SMTN: variants seen among roughly 807,000 people sequenced by gnomAD.
SMTN encodes smoothelin.
Under a neutral mutation model 102.0 loss-of-function variants are expected in SMTN, and 58 were observed. That is an observed-to-expected ratio of 0.57 (90% CI 0.46 to 0.71). The LOEUF (loss-of-function observed/expected upper bound fraction) is 0.71. Among genes scored for constraint, SMTN ranks in the 30% least tolerant of loss-of-function variants. SMTN has a pLI of 0.00. For missense variants in SMTN, 1,185 were observed against 1,241.7 expected, an observed-to-expected ratio of 0.95 and a Z score of 0.69; for synonymous variants, 478 against 497.9, an observed-to-expected ratio of 0.96 and a Z score of 0.53.
Position 31,090,250 on chromosome 22 carries a change from G to A in SMTN, c.865+70G>A, listed in dbSNP as rs1383046511. The A allele has an allele frequency of 6.8e-6, 9 of 1,317,510 alleles. No individual in the cohort carries two copies. The East Asian group carries it at 1.9e-4, about 27-fold the overall frequency. 81.6% of individuals were successfully genotyped at this position (1,317,510 alleles called of 1,614,324 possible). ...CCCCCTGCCTCCCTTTCCCTGCCTA[G>A]AAAATGGGCTCTTGTGCCTGGCAGC... On this transcript the variant is annotated intron_variant, in intron 8 of 20. Coordinates refer to ENST00000333137, the MANE Select transcript of SMTN (RefSeq NM_134269.3).
At chr22:31,090,709 A>G in intron 8 of SMTN, 99 bp from the exon 9 acceptor site, 1 of 937,204 alleles carries the variant, frequency 1.1e-6, no homozygotes. Flanking sequence ...GTGGGAAGCT[A>G]GGGAGGTGTA....
rs992454762 is a variant in SMTN, at chr22:31,096,856, C to T, written c.1985C>T (p.Ala662Val). ...AGCCAGCGGGCAGCTGATGGCTCTG[C>T]TGTCAGCACTGTTACCAAGACTGAG... ...RHSQRAADGS[A>V]VSTVTKTERL... is the part of the protein sequence containing the mutation. The change falls in exon 14 of 21, where the codon GCT becomes GTT. Residue 662 changes from alanine (A) to valine (V), a missense_variant. Around this residue, in one of 2 missense-constraint regions of SMTN, gnomAD observed 1,096 missense variants for 1,112.7 expected, o/e 0.98. Transcript: ENST00000333137. 1 of 1,577,514 alleles carries T rather than the reference C, an allele frequency of 6.3e-7. No homozygotes were observed. Among genetic ancestry groups the T allele is most frequent in the Admixed American group, 1.8e-5 (1 of 56,924 alleles).
chr22:31,083,428 G>C, intron 2 of SMTN, 119 bp downstream of exon 2: 3 of 1,269,190 alleles, frequency 2.4e-6, no homozygotes, highest in Non-Finnish European at 2.1e-6. Flanking sequence ...GGAGGAGGGG[G>C]ACATGGGAAC....
chr22:31,079,915 A>T (rs1427136032), upstream of SMTN, among the ~76,000 whole-genome samples: 1 of 152,094 alleles, frequency 6.6e-6, no homozygotes, highest in Non-Finnish European at 1.5e-5. Flanking sequence ...GGTGCATGCC[A>T]CTTGCCCGAC....
intron 16 of SMTN, among the ~76,000 whole-genome samples, chr22:31,097,717 T>A (rs1369811626): frequency 6.9e-6 from 1 of 144,892 alleles, no homozygotes; most frequent in Non-Finnish European, 1.5e-5. Flanking sequence ...AATAAATAGA[T>A]AAATAAATAA....
chr22:31,070,228 G>A (rs987401606), intron 1 of SMTN, among the ~76,000 whole-genome samples: 16 of 152,200 alleles, frequency 1.1e-4, no homozygotes, highest in Non-Finnish European at 2.4e-4. Context: ...TTCACGTAAT[G>A]AAGGGTCGGT....
chr22:31,100,843 G>GGC, intron 19 of SMTN, 42 bp from the exon 20 acceptor site: 2 of 723,130 alleles, frequency 2.8e-6, no homozygotes, highest in Non-Finnish European at 2.3e-6. Flanking sequence ...CTGGCCTCCT[G>GGC]CCCCCGTCCC....
intron 11 of SMTN, 52 bp downstream of exon 11, chr22:31,091,899 C>T: frequency 1.4e-6 from 2 of 1,466,302 alleles, no homozygotes; most frequent in Middle Eastern, 1.9e-4. Flanking sequence ...CTCACATACA[C>T]TGCTTCAGGG....
chr22:31,095,211 C>T lies in SMTN; in HGVS notation c.1633-92C>T. ...AGTGGTTATTTCCAAGGCGTGCCAG[C>T]AACCCTAGGATCTGCTTCCCTATCC... On this transcript the variant is annotated intron_variant, in intron 11 of 20. Transcript: ENST00000333137. This position sits in a 1 kb window ranked among gnomAD's most constrained non-coding sequence, Gnocchi z 4.1. The T allele has an allele frequency of 7.4e-7, 1 of 1,359,668 alleles. No homozygotes were observed. Among genetic ancestry groups the T allele is most frequent in the African/African-American group, 1.4e-5 (1 of 69,490 alleles). 84.2% of individuals were successfully genotyped at this position (1,359,668 alleles called of 1,614,324 possible).
chr22:31,091,521 C>A (rs770216326), intron 10 of SMTN, 39 bp downstream of exon 10: 1 of 1,514,362 alleles, frequency 6.6e-7, no homozygotes, highest in African/African-American at 1.4e-5. Flanking sequence ...GGGATGAGTG[C>A]CTGCAACCGC....
rs1244178543 is a variant in SMTN, at chr22:31,088,064, T to C, written c.151T>C (p.Ser51Pro). Reference protein sequence around the residue: ...ELEREEEALASKRFRAERQDN... With the variant: ...ELEREEEALAPKRFRAERQDN... ...GGAGCGCGAGGAGGAGGCCCTGGCA[T>C]CCAAGCGTTTCCGTGCCGAGCGGCA... Residue 51 changes from serine to proline, a missense_variant, in exon 3 of 21, where the codon TCC becomes CCC. Coordinates refer to ENST00000333137, the MANE Select transcript of SMTN (RefSeq NM_134269.3). 2.5e-6 allele frequency: 4 copies of C among 1,611,092 alleles called. No homozygotes were observed. The highest frequency in any genetic ancestry group is 2.7e-5 in the African/African-American group (2 of 74,862).
In SMTN at chr22:31,101,049, G is replaced by A. The variant is rs562650356; in HGVS notation, c.*20G>A. 6.9e-6 allele frequency: 11 copies of A among 1,593,314 alleles called. No homozygotes were observed. The highest frequency in any genetic ancestry group is 2.3e-5 in the East Asian group (1 of 43,848). The stretch of plus-strand genomic sequence containing the variant: ...TCCTAACCCCTGCTCGGGGCCCCAC[G>A]GTGAGAAACGCCGCCTCTACCACCT... On this transcript the variant is annotated splice_region_variant and 3_prime_UTR_variant, in exon 20 of 21. Coordinates refer to ENST00000333137, the MANE Select transcript of SMTN (RefSeq NM_134269.3).
rs774134381 is a variant in SMTN, at chr22:31,104,411, C to G, written c.*116C>G. 1 of 1,614,126 alleles carries G rather than the reference C, an allele frequency of 6.2e-7. No homozygotes were observed. Among genetic ancestry groups the G allele is most frequent in the South Asian group, 1.1e-5 (1 of 91,072 alleles). On this transcript the variant is annotated 3_prime_UTR_variant, in exon 21 of 21. Transcript: ENST00000333137. The stretch of plus-strand genomic sequence containing the variant: ...AAGTGTGTCTTCACCTATGTGCAGT[C>G]GCTCTACAACCACCTGCGACGCCAC...
chr22:31,085,410 G>T (rs567057307), intron 2 of SMTN: 2 of 882,302 alleles, frequency 2.3e-6, no homozygotes, highest in Non-Finnish European at 3.3e-6. Flanking sequence ...GCAACCGGGG[G>T]AGCTGGGACT....
chr22:31,091,484 TA>T lies in SMTN; in HGVS notation c.1459+3del. ...TGCCCACAGGCAACCAGAGGGCAGG[TA>T]GGCGCCCCCCACTGCCTCCCCAATG... On this transcript the variant is annotated splice_donor_region_variant and intron_variant, in intron 10 of 20. Transcript: ENST00000333137. 6.6e-7 allele frequency: 1 copy of T among 1,517,976 alleles called. No homozygotes were observed. Among genetic ancestry groups the T allele is most frequent in the Non-Finnish European group, 8.8e-7 (1 of 1,136,424 alleles). 94.0% of individuals were successfully genotyped at this position (1,517,976 alleles called of 1,614,324 possible).
At chr22:31,104,204 A>T in intron 20 of SMTN, 112 bp from the exon 21 acceptor site, 1 of 1,254,618 alleles carries the variant, frequency 8.0e-7, no homozygotes, top group South Asian at 1.4e-5. Context: ...CCCTGTCTGG[A>T]GTTTATGAAA....
chr22:31,097,626 C>G, intron 16 of SMTN, among the ~76,000 whole-genome samples: 1 of 151,976 alleles, frequency 6.6e-6, no homozygotes, highest in East Asian at 1.9e-4. Flanking sequence ...ATCACTTGAA[C>G]CTGGGAGGCG....
intron 3 of SMTN, 139 bp downstream of exon 3, chr22:31,088,252 GA>G: frequency 9.5e-7 from 1 of 1,047,558 alleles, no homozygotes; most frequent in Non-Finnish European, 1.4e-6. Flanking sequence ...CACGCTTCTG[GA>G]AAAACAGAGA....
intron 1 of SMTN, chr22:31,082,462 C>T (rs1385360994): frequency 2.1e-6 from 1 of 470,720 alleles, no homozygotes; most frequent in East Asian, 6.9e-5. Context: ...CCCTCTAAGT[C>T]TTTGGCTTCC....
Sources: allele counts gnomAD v4.1 joint callset (sites outside exome capture counted in the v4.1 genomes callset), GRCh38; gene constraint gnomAD v4.1.1; regional missense constraint gnomAD v4.1.1; non-coding constraint Gnocchi (gnomAD v3.1); transcripts MANE v1.5; gene names NCBI Gene and HGNC (gene_info 2026-07-23, HGNC 2026-07-21).